NEMP2: variants seen among roughly 807,000 people sequenced by gnomAD.
The protein encoded by NEMP2 is UPF0571 transmembrane protein.
A neutral mutation model predicts 54.2 loss-of-function variants in NEMP2; 53 were observed. The observed-to-expected ratio is 0.98, with a 90% confidence interval of 0.78 to 1.23. NEMP2 has a LOEUF of 1.23. Ranked by LOEUF, NEMP2 falls within the 50% of genes most tolerant of loss-of-function variation. NEMP2 has a pLI of 0.00. For missense variants in NEMP2, 455 were observed against 511.3 expected (o/e 0.89, Z 1.06); for synonymous variants, 197 against 190.3 (o/e 1.04, Z -0.29).
the NEMP2 span, among the ~76,000 whole-genome samples, chr2:190,424,710 A>AT: frequency 6.6e-6 from 1 of 151,648 alleles, no homozygotes; most frequent in African/African-American, 2.4e-5. This position sits in a 1 kb window ranked among gnomAD's most constrained non-coding sequence, Gnocchi z 5.9. Context: ...CCACCATTGA[A>AT]TTTTTTTTGC....
At chr2:190,578,566 A>G in the NEMP2 span, among the ~76,000 whole-genome samples, 1 of 152,162 alleles carries the variant, frequency 6.6e-6, no homozygotes, top group Admixed American at 6.5e-5. This position sits in a 1 kb window ranked among gnomAD's most constrained non-coding sequence, Gnocchi z 4.4. Flanking sequence ...AGTGTGGGGT[A>G]GTATATATGG....
At chr2:190,572,833 G>GTTTATTTA in the NEMP2 span, among the ~76,000 whole-genome samples, 1 of 47,862 alleles carries the variant, frequency 2.1e-5, no homozygotes, top group Non-Finnish European at 3.7e-5. Context: ...CTTTTCATGA[G>GTTTATTTA]TATATATATA....
chr2:190,467,095 G>C, the NEMP2 span, among the ~76,000 whole-genome samples: 2 of 152,190 alleles, frequency 1.3e-5, no homozygotes, highest in Admixed American at 1.3e-4. The surrounding 1 kb of genome is among the most constrained non-coding windows in gnomAD (Gnocchi z 5.5). Context: ...GTGAACACTA[G>C]GAAAGTGGAT....
the NEMP2 span, among the ~76,000 whole-genome samples, chr2:190,572,833 G>GCTTATATATA: frequency 7.5e-4 from 36 of 47,854 alleles, no homozygotes; most frequent in South Asian, 1.6e-3. Flanking sequence ...CTTTTCATGA[G>GCTTATATATA]TATATATATA....
At chr2:190,597,656 T>C in the NEMP2 span, among the ~76,000 whole-genome samples, 1 of 152,134 alleles carries the variant, frequency 6.6e-6, no homozygotes, top group Non-Finnish European at 1.5e-5. The surrounding 1 kb of genome is among the most constrained non-coding windows in gnomAD (Gnocchi z 4.7). Flanking sequence ...CCCAACACAG[T>C]AGTTGCGAAT....
In NEMP2 at chr2:190,505,051, C is replaced by T. The variant is rs529749023; in HGVS notation, c.*4138G>A. On this transcript the variant is annotated 3_prime_UTR_variant, in exon 9 of 9. Transcript: ENST00000409150. The surrounding 1 kb of genome is among the most constrained non-coding windows in gnomAD (Gnocchi z 5.8). ...ACTAGAGGGAAACTGGTCCATCACCCCAGACAGTCTGAGAAGCACTGACAA... is the reference window on the plus strand; with the variant it reads ...ACTAGAGGGAAACTGGTCCATCACCTCAGACAGTCTGAGAAGCACTGACAA... 3 of 152,226 alleles carry T rather than the reference C, an allele frequency of 2.0e-5. No homozygotes were observed. The East Asian group carries it at 5.8e-4, about 29-fold the overall frequency. The allele number at this position is 152,226 out of a possible 1,614,324, so 9.4% of individuals were successfully genotyped here.
At chr2:190,639,125 C>A in the NEMP2 span, among the ~76,000 whole-genome samples, 1 of 152,166 alleles carries the variant, frequency 6.6e-6, no homozygotes, top group Non-Finnish European at 1.5e-5. Flanking sequence ...TAAAGCAGTT[C>A]AAGCCAGCTC....
the NEMP2 span, among the ~76,000 whole-genome samples, chr2:190,556,016 C>T: frequency 6.6e-6 from 1 of 152,086 alleles, no homozygotes; most frequent in African/African-American, 2.4e-5. Context: ...CTGGCAGAGA[C>T]ACAACAAAAA....
chr2:190,588,851 C>G, the NEMP2 span, among the ~76,000 whole-genome samples: 1 of 152,138 alleles, frequency 6.6e-6, no homozygotes, highest in African/African-American at 2.4e-5. The surrounding 1 kb of genome is among the most constrained non-coding windows in gnomAD (Gnocchi z 5.0). Flanking sequence ...ACAAAATTCA[C>G]GGGCCTGTTG....
the NEMP2 span, among the ~76,000 whole-genome samples, chr2:190,458,215 G>A: frequency 6.6e-6 from 1 of 151,890 alleles, no homozygotes; most frequent in Non-Finnish European, 1.5e-5. This position sits in a 1 kb window ranked among gnomAD's most constrained non-coding sequence, Gnocchi z 5.3. Context: ...CATACGTTGA[G>A]GTCCTAACCC....
the NEMP2 span, among the ~76,000 whole-genome samples, chr2:190,496,642 A>G: frequency 1.3e-5 from 2 of 151,972 alleles, no homozygotes; most frequent in African/African-American, 4.8e-5. This position sits in a 1 kb window ranked among gnomAD's most constrained non-coding sequence, Gnocchi z 4.7. Context: ...GTGTGTATAT[A>G]TATGTATATG....
At chr2:190,479,300 A>G in the NEMP2 span, among the ~76,000 whole-genome samples, 1 of 152,208 alleles carries the variant, frequency 6.6e-6, no homozygotes, top group African/African-American at 2.4e-5. Context: ...TTTGCAGCAA[A>G]CATGTTATTC....
chr2:190,421,753 A>T, the NEMP2 span, among the ~76,000 whole-genome samples: 1 of 152,018 alleles, frequency 6.6e-6, no homozygotes, highest in Admixed American at 6.6e-5. Context: ...TAAAGATGGG[A>T]TCTCACTATG....
chr2:190,510,575 T>C lies in NEMP2; in HGVS notation c.954-38A>G. 6.5e-7 allele frequency: 1 copy of C among 1,549,052 alleles called. No homozygotes were observed. Among genetic ancestry groups the C allele is most frequent in the Non-Finnish European group, 8.7e-7 (1 of 1,144,780 alleles). On this transcript the variant is annotated intron_variant, in intron 7 of 8. Transcript: ENST00000409150. The surrounding 1 kb of genome is among the most constrained non-coding windows in gnomAD (Gnocchi z 5.7). ...ATGTGGTTGCAGGATTACTTCCTAA[T>C]TCAATCCTTAAGATTTACAAAAATA...
Position 190,506,968 on chromosome 2 carries a change from C to T in NEMP2, c.*2221G>A. The T allele has an allele frequency of 6.6e-6, 1 of 151,526 alleles. No individual in the cohort carries two copies. The highest frequency in any genetic ancestry group is 1.5e-5 in the Non-Finnish European group (1 of 67,910). The allele number at this position is 151,526 out of a possible 1,614,324, so 9.4% of individuals were successfully genotyped here. A position where few individuals can be genotyped will look rare whatever the true frequency, so the allele number is the denominator to read the frequency against. ...TTTAAAAAGGGAGGAGGAGAGGAGA[C>T]AGGAGGTGAGGGAGAAAGAGAAGGG... On this transcript the variant is annotated 3_prime_UTR_variant, in exon 9 of 9. Coordinates refer to ENST00000409150, the MANE Select transcript of NEMP2 (RefSeq NM_001142645.2). The surrounding 1 kb of genome is among the most constrained non-coding windows in gnomAD (Gnocchi z 6.3).
At chr2:190,455,017 A>G in the NEMP2 span, among the ~76,000 whole-genome samples, 1 of 148,820 alleles carries the variant, frequency 6.7e-6, no homozygotes, top group African/African-American at 2.5e-5. Context: ...ATGTATATGT[A>G]TATGTGTGTT....
At chr2:190,437,164 A>G in the NEMP2 span, 1 of 1,614,206 alleles carries the variant, frequency 6.2e-7, no homozygotes, top group Non-Finnish European at 8.5e-7. This position sits in a 1 kb window ranked among gnomAD's most constrained non-coding sequence, Gnocchi z 5.9. Flanking sequence ...CGGCGTTCTC[A>G]TGACCATGGC....
At chr2:190,454,283 C>T in the NEMP2 span, 1 of 151,978 alleles carries the variant, frequency 6.6e-6, no homozygotes, top group African/African-American at 2.4e-5. The surrounding 1 kb of genome is among the most constrained non-coding windows in gnomAD (Gnocchi z 4.6). Flanking sequence ...GGGAGGTTTC[C>T]AATTGTGTTA....
the NEMP2 span, chr2:190,444,949 T>C: frequency 1.5e-6 from 1 of 652,164 alleles, no homozygotes; most frequent in Non-Finnish European, 1.9e-6. Flanking sequence ...AACTGTAGCA[T>C]ACTGGGTAAC....
Sources: gnomAD v4.1 joint callset for allele counts (sites outside exome capture counted in the v4.1 genomes callset) on GRCh38, gnomAD v4.1.1 for gene constraint, Gnocchi (gnomAD v3.1) non-coding constraint, MANE v1.5 for transcripts, NCBI Gene and HGNC (gene_info 2026-07-23, HGNC 2026-07-21) for gene names.